Variants in FCHSD2 observed in about 807,000 individuals in gnomAD.
FCHSD2 encodes the protein F-BAR and double SH3 domains protein 2.
FCHSD2 carries 38 observed loss-of-function variants against 108.1 expected under a neutral mutation model. That is an observed-to-expected ratio of 0.35 (90% confidence interval 0.27 to 0.46). The LOEUF (loss-of-function observed/expected upper bound fraction) is 0.46, where lower values mean the gene tolerates loss of function less well. FCHSD2 is among the 20% of genes least tolerant of loss of function. The pLI is 1.00. For synonymous variants in FCHSD2, 279 were observed against 314.7 expected (o/e 0.89, Z 1.20); for missense variants, 751 against 897.8 (o/e 0.84, Z 2.09).
chr11:73,086,206 TAA>T lies in FCHSD2; in HGVS notation c.120-2468_120-2467del, dbSNP rs200814557. Among the ~76,000 whole-genome samples the T allele has an allele frequency of 4.8e-3, 727 of 152,266 alleles. 1 individual carries two copies. Among genetic ancestry groups the T allele is most frequent in the African/African-American group, 0.017 (705 of 41,566 alleles). On this transcript the variant is annotated intron_variant, in intron 2 of 19. Transcript: ENST00000409418. ...GGTGGATCACTTGAGGCCAGGAGTT[TAA>T]GACAGGCCTGGCCAACATGGCAAAA...
intron 8 of FCHSD2, among the ~76,000 whole-genome samples, chr11:72,966,455 C>T (rs1381881342): frequency 2.6e-5 from 4 of 152,090 alleles, no homozygotes; most frequent in African/African-American, 7.2e-5. Context: ...CCACCACACC[C>T]GGACTAAACT....
intron 2 of FCHSD2, among the ~76,000 whole-genome samples, chr11:73,115,578 T>A (rs1174477980): frequency 6.6e-6 from 1 of 151,814 alleles, no homozygotes; most frequent in African/African-American, 2.4e-5. Flanking sequence ...AGAAACAGAG[T>A]GAATAGGGAA....
intron 2 of FCHSD2, among the ~76,000 whole-genome samples, chr11:73,133,817 T>C (rs1355821976): frequency 5.4e-5 from 6 of 110,698 alleles, no homozygotes; most frequent in Admixed American, 8.9e-5. Flanking sequence ...AAAAAAAAAG[T>C]AACCATTATG....
At chr11:72,923,841 A>G (rs986622519) in intron 8 of FCHSD2, among the ~76,000 whole-genome samples, 3 of 152,174 alleles carry the variant, frequency 2.0e-5, no homozygotes, top group African/African-American at 7.2e-5. Flanking sequence ...TGGCAGGCTG[A>G]GGCAGGAGAA....
intron 3 of FCHSD2, among the ~76,000 whole-genome samples, chr11:73,036,179 A>G (rs1858492472): frequency 6.6e-6 from 1 of 152,176 alleles, no homozygotes; most frequent in Non-Finnish European, 1.5e-5. Flanking sequence ...TTTGACTTCC[A>G]AGCTTCCCAG....
Position 73,129,829 on chromosome 11 carries a change from C to T in FCHSD2, c.119+10202G>A, listed in dbSNP as rs1035875468. ...CACTGCTGTAAACTAGCACTTGTTC[C>T]GATATATCACACCTATGCTACCACA... On this transcript the variant is annotated intron_variant, in intron 2 of 19. Coordinates refer to ENST00000409418, the MANE Select transcript of FCHSD2 (RefSeq NM_014824.3). Among the ~76,000 whole-genome samples the T allele has an allele frequency of 1.1e-4, 16 of 151,700 alleles. 1 individual carries two copies. The highest frequency in any genetic ancestry group is 5.8e-4 in the East Asian group (3 of 5,184).
chr11:73,104,757 C>T (rs756817789), intron 2 of FCHSD2, among the ~76,000 whole-genome samples: 1 of 151,466 alleles, frequency 6.6e-6, no homozygotes, highest in Non-Finnish European at 1.5e-5. Flanking sequence ...TTAGTAGAGA[C>T]GGGGTTTCAC....
At position 72,921,874 on chromosome 11, in the gene FCHSD2, T is replaced by C; in HGVS notation, c.782A>G (p.Gln261Arg). 2 of 1,609,786 alleles carry C rather than the reference T, an allele frequency of 1.2e-6. No individual in the cohort carries two copies. The highest frequency in any genetic ancestry group is 2.2e-5 in the South Asian group (2 of 90,324). ...AAACTGGAATGTGTTCTGCACAGCT[T>C]GGCATGTTTCTAGCTCAGTCCGGCT... ...AFSRTELETC[Q>R]AVQNTFQFLL... Residue 261 changes from glutamine to arginine, a missense_variant, in exon 9 of 20, where the codon CAA becomes CGA. Transcript: ENST00000409418.
chr11:72,917,678 G>T (rs896805316), intron 9 of FCHSD2, among the ~76,000 whole-genome samples: 1 of 152,196 alleles, frequency 6.6e-6, no homozygotes, highest in African/African-American at 2.4e-5. Flanking sequence ...TTGACGTCAG[G>T]AGTTCAAGAC....
At chr11:72,941,223 G>T in intron 8 of FCHSD2, 1 of 263,894 alleles carries the variant, frequency 3.8e-6, no homozygotes, top group Non-Finnish European at 7.2e-6. Flanking sequence ...GAGGCCACAT[G>T]AGTCTTGTTC....
chr11:72,924,679 C>CTTTTTTT (rs200855476), intron 8 of FCHSD2, among the ~76,000 whole-genome samples: 1 of 138,462 alleles, frequency 7.2e-6, no homozygotes. Flanking sequence ...TTCCATTAAA[C>CTTTTTTT]TTTTTTTTTT....
At chr11:73,101,014 T>C (rs1211142597) in intron 2 of FCHSD2, among the ~76,000 whole-genome samples, 1 of 152,162 alleles carries the variant, frequency 6.6e-6, no homozygotes, top group African/African-American at 2.4e-5. Context: ...ATGCCCAAAA[T>C]GTGCTTATGC....
chr11:72,946,146 C>T (rs745901140), intron 8 of FCHSD2, among the ~76,000 whole-genome samples: 3 of 151,986 alleles, frequency 2.0e-5, no homozygotes, highest in African/African-American at 7.3e-5. Flanking sequence ...GGAACCAACC[C>T]AAATGTCCAA....
intron 18 of FCHSD2, 27 bp downstream of exon 18, chr11:72,841,427 T>C: frequency 1.2e-6 from 2 of 1,607,988 alleles, no homozygotes; most frequent in Non-Finnish European, 1.7e-6. Flanking sequence ...AAAATGCATT[T>C]AGACCCATGC....
At chr11:73,100,447 T>G (rs1197852528) in intron 2 of FCHSD2, among the ~76,000 whole-genome samples, 1 of 152,060 alleles carries the variant, frequency 6.6e-6, no homozygotes, top group African/African-American at 2.4e-5. Flanking sequence ...CACCGCAACC[T>G]CCACCTCCTG....
chr11:72,991,036 A>G (rs1403657137), intron 5 of FCHSD2, among the ~76,000 whole-genome samples: 1 of 152,240 alleles, frequency 6.6e-6, no homozygotes, highest in Non-Finnish European at 1.5e-5. Flanking sequence ...GGATATCACC[A>G]CCAATCCCAC....
At chr11:73,024,810 C>T (rs1858189451) in intron 3 of FCHSD2, among the ~76,000 whole-genome samples, 1 of 152,086 alleles carries the variant, frequency 6.6e-6, no homozygotes. Context: ...AAACAACAAT[C>T]CCATTAAGAA....
intron 2 of FCHSD2, among the ~76,000 whole-genome samples, chr11:73,128,389 T>C (rs1386703315): frequency 6.6e-6 from 1 of 152,186 alleles, no homozygotes; most frequent in Admixed American, 6.5e-5. Context: ...CTGCCACCAC[T>C]ACCTTTTTTG....
At chr11:72,958,238 C>T (rs1003447825) in intron 8 of FCHSD2, among the ~76,000 whole-genome samples, 2 of 152,170 alleles carry the variant, frequency 1.3e-5, no homozygotes, top group African/African-American at 4.8e-5. Flanking sequence ...CAAGTTCTGG[C>T]CAGGTGCAGT....
Sources: allele counts gnomAD v4.1 joint callset (sites outside exome capture counted in the v4.1 genomes callset), GRCh38; gene constraint gnomAD v4.1.1; transcripts MANE v1.5; gene names NCBI Gene and HGNC (gene_info 2026-07-23, HGNC 2026-07-21).